Variants in ZBTB7C observed in about 807,000 individuals in gnomAD.
ZBTB7C encodes zinc finger and BTB domain-containing protein 7C.
Under a neutral mutation model 25.7 loss-of-function variants are expected in ZBTB7C, and 8 were observed. The ratio of observed to expected loss-of-function variants is 0.31; its 90% CI spans 0.18 to 0.56. The LOEUF (loss-of-function observed/expected upper bound fraction) is 0.56. ZBTB7C is among the 20% of genes least tolerant of loss of function. The probability of loss-of-function intolerance (pLI) is 0.91; values close to 1 mark genes in which losing one functional copy is unlikely to be tolerated. For synonymous variants in ZBTB7C, 394 were observed against 369.0 expected (o/e 1.07, Z -0.78); for missense variants, 824 against 855.2 (o/e 0.96, Z 0.46).
chr18:48,317,738 G>T (rs2045983572), intron 2 of ZBTB7C, among the ~76,000 whole-genome samples: 1 of 152,166 alleles, frequency 6.6e-6, no homozygotes, highest in Non-Finnish European at 1.5e-5. Context: ...AGGTCCTGCA[G>T]CTATTGAGGG....
intron 3 of ZBTB7C, among the ~76,000 whole-genome samples, chr18:48,132,133 A>G (rs2040005158): frequency 6.6e-5 from 10 of 152,236 alleles, no homozygotes. Flanking sequence ...TATGGAAACA[A>G]CCTATATATC....
chr18:48,044,727 G>A (rs754073749), intron 3 of ZBTB7C, among the ~76,000 whole-genome samples: 3 of 152,228 alleles, frequency 2.0e-5, no homozygotes, highest in Non-Finnish European at 4.4e-5. Context: ...CCCATGAAAC[G>A]AACTGGGAGG....
rs974709250 is a variant in ZBTB7C at position 48,292,275 on chromosome 18, T to A, written c.-79+45899A>T. Among the ~76,000 whole-genome samples the A allele has an allele frequency of 5.9e-5, 9 of 152,092 alleles. 1 individual carries two copies. Among genetic ancestry groups the A allele is most frequent in the Non-Finnish European group, 4.4e-5 (3 of 68,028 alleles). On this transcript the variant is annotated intron_variant, in intron 2 of 4. Coordinates refer to ENST00000590800, the MANE Select transcript of ZBTB7C (RefSeq NM_001318841.2). ...ATACATTATCAAGAATGTCCATAAT[T>A]CCTCGTTAAAGCAAGTGCTATCATT...
chr18:48,096,641 G>A (rs1218157484), intron 3 of ZBTB7C, among the ~76,000 whole-genome samples: 1 of 152,158 alleles, frequency 6.6e-6, no homozygotes, highest in Non-Finnish European at 1.5e-5. Context: ...GGAGTCACAG[G>A]GGGAGGGGAC....
chr18:48,360,004 T>C (rs1473744926), intron 1 of ZBTB7C, among the ~76,000 whole-genome samples: 5 of 152,216 alleles, frequency 3.3e-5, no homozygotes, highest in Non-Finnish European at 5.9e-5. Context: ...TTCTTGGATG[T>C]GTTTGAATCT....
intron 2 of ZBTB7C, among the ~76,000 whole-genome samples, chr18:48,326,443 C>A (rs921426051): frequency 1.3e-5 from 2 of 152,158 alleles, no homozygotes; most frequent in African/African-American, 4.8e-5. Context: ...ATTAAACACA[C>A]ACACACACAT....
chr18:48,110,982 G>C (rs1430945996), intron 3 of ZBTB7C, among the ~76,000 whole-genome samples: 2 of 152,204 alleles, frequency 1.3e-5, no homozygotes. Flanking sequence ...TTCGATCTGG[G>C]CTTCATATGA....
At chr18:48,116,023 G>GGA (rs2039426433) in intron 3 of ZBTB7C, among the ~76,000 whole-genome samples, 1 of 151,784 alleles carries the variant, frequency 6.6e-6, no homozygotes, top group Non-Finnish European at 1.5e-5. Context: ...TATCCTTCGC[G>GGA]CCTATATATA....
intron 3 of ZBTB7C, among the ~76,000 whole-genome samples, chr18:48,080,278 T>C (rs1272779259): frequency 6.6e-6 from 1 of 152,224 alleles, no homozygotes; most frequent in Non-Finnish European, 1.5e-5. Context: ...TGACTCTGGA[T>C]ATCTGAGTGC....
chr18:48,029,693 C>A lies in ZBTB7C; in HGVS notation c.1427G>T (p.Arg476Leu). The A allele has an allele frequency of 1.3e-6, 2 of 1,596,984 alleles. No homozygotes were observed. The highest frequency in any genetic ancestry group is 1.7e-4 in the Middle Eastern group (1 of 6,046). The change falls in exon 5 of 5, where the codon CGG (arginine) becomes CTG (leucine). Residue 476 changes from arginine to leucine, a missense_variant. By Grantham distance (102) the Arg-to-Leu change is moderately radical. Transcript: ENST00000590800. ...HIKRQSCRMARPRRGRKPAAW... is the reference protein window; with the variant it reads ...HIKRQSCRMALPRRGRKPAAW... ...AGCAGGCTTGCGGCCGCGTCGGGGC[C>A]GTGCCATGCGGCAGCTCTGGCGCTT...
intron 3 of ZBTB7C, among the ~76,000 whole-genome samples, chr18:48,180,112 T>TTTCCTTCCTTCC (rs71165315): frequency 0.06 from 3,139 of 52,052 alleles, 320 homozygotes; most frequent in African/African-American, 0.12. Flanking sequence ...CCTTCCTTCC[T>TTTCCTTCCTTCC]TTCCTTCCTT....
intron 3 of ZBTB7C, among the ~76,000 whole-genome samples, chr18:48,179,965 G>T (rs111167903): frequency 2.0e-4 from 6 of 29,830 alleles, no homozygotes; most frequent in Admixed American, 4.4e-4. Flanking sequence ...TTCCTTCCTT[G>T]CTTCCTTCCT....
At chr18:48,087,568 C>T (rs1405277916) in intron 3 of ZBTB7C, 1 of 151,946 alleles carries the variant, frequency 6.6e-6, no homozygotes, top group African/African-American at 2.4e-5. Context: ...AAAAATCCTC[C>T]AAAGCTAGGA....
chr18:48,107,932 C>T (rs2144649109), intron 3 of ZBTB7C, among the ~76,000 whole-genome samples: 1 of 152,302 alleles, frequency 6.6e-6, no homozygotes, highest in South Asian at 2.1e-4. Flanking sequence ...CAAAAGAAGC[C>T]AGAGGTTCCC....
intron 3 of ZBTB7C, among the ~76,000 whole-genome samples, chr18:48,166,779 T>C (rs879606308): frequency 8.5e-5 from 13 of 152,120 alleles, no homozygotes; most frequent in Non-Finnish European, 1.9e-4. Flanking sequence ...TTGGGCACAT[T>C]TGGTGATGGT....
intron 3 of ZBTB7C, among the ~76,000 whole-genome samples, chr18:48,083,671 T>C (rs1278309290): frequency 6.6e-6 from 1 of 152,108 alleles, no homozygotes; most frequent in Non-Finnish European, 1.5e-5. Flanking sequence ...TAACGGAATT[T>C]GTCATAATGG....
rs550696431 is a variant in ZBTB7C at position 48,135,621 on chromosome 18, C to A, written c.-17+50313G>T. Among the ~76,000 whole-genome samples, 15 of 152,202 alleles carry A rather than the reference C, an allele frequency of 9.9e-5. No individual in the cohort carries two copies. The East Asian group carries it at 2.9e-3, about 29-fold the overall frequency. On this transcript the variant is annotated intron_variant, in intron 3 of 4. Coordinates refer to ENST00000590800, the MANE Select transcript of ZBTB7C (RefSeq NM_001318841.2). ...GGGCTACTTTTCTTTCCTGGAGTTT[C>A]ACCCAGCGGGGGTTCCTGAGCCTTT...
chr18:48,056,344 T>G (rs993789771), intron 3 of ZBTB7C, among the ~76,000 whole-genome samples: 2 of 152,184 alleles, frequency 1.3e-5, no homozygotes, highest in African/African-American at 4.8e-5. Context: ...AATAAAAATA[T>G]CGGAATTTCT....
chr18:48,223,187 G>T (rs1018544361), intron 2 of ZBTB7C, among the ~76,000 whole-genome samples: 3 of 152,180 alleles, frequency 2.0e-5, no homozygotes, highest in Admixed American at 2.0e-4. Flanking sequence ...AGATGGGCAA[G>T]GTGCAGGAAC....
Sources: allele counts gnomAD v4.1 joint callset (sites outside exome capture counted in the v4.1 genomes callset), GRCh38; gene constraint gnomAD v4.1.1; transcripts MANE v1.5; gene names NCBI Gene and HGNC (gene_info 2026-07-23, HGNC 2026-07-21).